Variants in KLF17 observed in about 807,000 individuals in gnomAD.
KLF17 encodes the protein KLF transcription factor 17.
A neutral mutation model predicts 34.2 loss-of-function variants in KLF17; 31 were observed. That is an observed-to-expected ratio of 0.91 (90% CI 0.68 to 1.22). The LOEUF is 1.22. Among genes scored for constraint, KLF17 ranks in the 50% most tolerant of loss-of-function variants. The pLI is 0.00. For missense variants in KLF17, 478 were observed against 505.2 expected (o/e 0.95, Z 0.52); for synonymous variants, 179 against 186.7 (o/e 0.96, Z 0.34).
At chr1:44,117,006 C>T (rs1176449530), upstream of KLF17, 1 of 152,160 alleles carries the variant, frequency 6.6e-6, no homozygotes, top group Non-Finnish European at 1.5e-5. Flanking sequence ...GTTGCTCAAG[C>T]CAATAATCTA....
chr1:44,098,515 G>A, the KLF17 span, among the ~76,000 whole-genome samples: 3,183 of 140,660 alleles, frequency 0.023, 49 homozygotes, highest in South Asian at 0.039. Context: ...AATCTTTTTT[G>A]TGATGTATTT....
At chr1:44,071,818 G>T in the KLF17 span, among the ~76,000 whole-genome samples, 1 of 151,976 alleles carries the variant, frequency 6.6e-6, no homozygotes, top group African/African-American at 2.4e-5. Flanking sequence ...GACTTCCCAC[G>T]TTCTGGTTCC....
chr1:44,093,488 G>A, the KLF17 span, among the ~76,000 whole-genome samples: 7 of 152,140 alleles, frequency 4.6e-5, no homozygotes, highest in Non-Finnish European at 1.5e-5. Context: ...TCTGCCTCCT[G>A]GGTTCAAGCG....
the KLF17 span, chr1:44,088,333 C>G: frequency 2.0e-5 from 3 of 152,138 alleles, no homozygotes; most frequent in East Asian, 5.8e-4. Flanking sequence ...GCTAGGCTAG[C>G]CTTGAACTCC....
At chr1:44,122,564 C>T (rs760112746) in intron 1 of KLF17, 24 of 770,470 alleles carry the variant, frequency 3.1e-5, no homozygotes, top group Non-Finnish European at 4.5e-5. Flanking sequence ...ATCCAACAAC[C>T]GAATACTGAC....
chr1:44,059,179 T>C, the KLF17 span, among the ~76,000 whole-genome samples: 33 of 152,318 alleles, frequency 2.2e-4, no homozygotes, highest in South Asian at 5.6e-3. Context: ...CTGCTGCCTA[T>C]TTAAAAGAAT....
At chr1:44,132,314 T>A (rs908058697) in intron 3 of KLF17, among the ~76,000 whole-genome samples, 13 of 150,272 alleles carry the variant, frequency 8.7e-5, no homozygotes, top group South Asian at 4.2e-4. Context: ...AAAAAAAAAA[T>A]TTTTTTTTTG....
chr1:44,064,172 C>T, the KLF17 span, among the ~76,000 whole-genome samples: 1 of 152,046 alleles, frequency 6.6e-6, no homozygotes, highest in East Asian at 1.9e-4. Context: ...ATATGCTAAA[C>T]ATGGCAACAA....
At chr1:44,129,021 GA>G (rs113210256) in intron 1 of KLF17, among the ~76,000 whole-genome samples, 23 of 144,748 alleles carry the variant, frequency 1.6e-4, no homozygotes, top group East Asian at 6.1e-4. Flanking sequence ...TCAATAAAAA[GA>G]AAAAAAAAAA....
the KLF17 span, among the ~76,000 whole-genome samples, chr1:44,047,436 C>G: frequency 2.0e-5 from 3 of 152,092 alleles, no homozygotes; most frequent in Non-Finnish European, 4.4e-5. Context: ...ACCAGAAGAA[C>G]CAGGTCCAGA....
At position 44,118,990 on chromosome 1, in the gene KLF17, T is replaced by G; in HGVS notation, c.81+2T>G. ...CAGGCGGCGCACCAGGCTGCCCAGG[T>G]GAGTCAGGTGCCAGCCCCTGGCAGG... On this transcript the variant is annotated splice_donor_variant, in intron 1 of 3. Transcript: ENST00000372299. LOFTEE classifies it high-confidence loss of function. 6.2e-7 allele frequency: 1 copy of G among 1,600,520 alleles called. No homozygotes were observed. Among genetic ancestry groups the G allele is most frequent in the South Asian group, 1.1e-5 (1 of 89,204 alleles).
chr1:44,075,312 T>A, the KLF17 span, among the ~76,000 whole-genome samples: 2 of 152,236 alleles, frequency 1.3e-5, no homozygotes, highest in East Asian at 1.9e-4. Flanking sequence ...TGGCATTTTC[T>A]GGAATGTATA....
At chr1:44,094,963 T>TGATCTCGGCTCACTGC in the KLF17 span, among the ~76,000 whole-genome samples, 2 of 148,092 alleles carry the variant, frequency 1.4e-5, no homozygotes, top group Admixed American at 6.8e-5. Context: ...TGCAGTGGTG[T>TGATCTCGGCTCACTGC]GATCTCGGCT....
At chr1:44,115,131 G>C (rs1369141656), upstream of KLF17, 1 of 152,196 alleles carries the variant, frequency 6.6e-6, no homozygotes. Context: ...TATGTAACCA[G>C]TTGGACTTTT....
the KLF17 span, among the ~76,000 whole-genome samples, chr1:44,061,927 G>A: frequency 6.6e-6 from 1 of 152,110 alleles, no homozygotes; most frequent in Non-Finnish European, 1.5e-5. Context: ...AAAAAAAAGG[G>A]TATAAATATA....
the KLF17 span, among the ~76,000 whole-genome samples, chr1:44,047,026 CAAAAAAA>C: frequency 1.2e-5 from 1 of 83,522 alleles, no homozygotes. Flanking sequence ...GACTCAGTCT[CAAAAAAA>C]AAAAAAAAAA....
rs1377192491 is a variant in KLF17, at chr1:44,129,885, T to C, written c.614T>C (p.Leu205Pro). 4.3e-6 allele frequency: 7 copies of C among 1,614,150 alleles called. No homozygotes were observed. The highest frequency in any genetic ancestry group is 1.6e-4 in the Middle Eastern group (1 of 6,062). The change falls in exon 2 of 4, where the codon CTC (leucine) becomes CCC (proline). Residue 205 changes from leucine (L) to proline (P), a missense_variant. By Grantham distance (98) the Leu-to-Pro change is moderately conservative. Coordinates refer to ENST00000372299, the MANE Select transcript of KLF17 (RefSeq NM_173484.4). The stretch of plus-strand genomic sequence containing the variant: ...CCTTCCACTGAGGCCCAGGCAGTGC[T>C]CCCCTCCATGGCTCAGATGTTGCCC... ...TVPSTEAQAV[L>P]PSMAQMLPPQ...
chr1:44,104,589 C>A, the KLF17 span: 1 of 609,196 alleles, frequency 1.6e-6, no homozygotes. Flanking sequence ...GTGATGCCTC[C>A]CATGCCGCTG....
chr1:44,095,138 T>A, the KLF17 span, among the ~76,000 whole-genome samples: 1 of 151,698 alleles, frequency 6.6e-6, no homozygotes, highest in East Asian at 1.9e-4. Context: ...CCTGACCTCA[T>A]GATCCGCCCG....
Sources: gnomAD v4.1 joint callset for allele counts (sites outside exome capture counted in the v4.1 genomes callset) on GRCh38, gnomAD v4.1.1 for gene constraint, MANE v1.5 for transcripts, NCBI Gene and HGNC (gene_info 2026-07-23, HGNC 2026-07-21) for gene names.